The following AGBL1 variants were observed in gnomAD, a reference collection of about 807,000 sequenced individuals.
AGBL1 encodes AGBL carboxypeptidase 1, also known as cytosolic carboxypeptidase 4.
AGBL1 carries 130 observed loss-of-function variants against 118.9 expected under a neutral mutation model. The observed-to-expected ratio is 1.09, with a 90% confidence interval of 0.95 to 1.26. AGBL1 has a LOEUF of 1.26. AGBL1 is among the 50% of genes most tolerant of loss of function. The probability of loss-of-function intolerance (pLI) is 0.00; values close to 1 mark genes in which losing one functional copy is unlikely to be tolerated. For synonymous variants in AGBL1, 555 were observed against 478.9 expected (o/e 1.16, Z -2.08); for missense variants, 1,584 against 1,298.1 (o/e 1.22, Z -3.38).
At chr15:86,768,094 A>C (rs946662360) in intron 22 of AGBL1, among the ~76,000 whole-genome samples, 3 of 151,910 alleles carry the variant, frequency 2.0e-5, no homozygotes, top group African/African-American at 7.2e-5. Flanking sequence ...CCATATCCTC[A>C]ATCATTGCTC....
chr15:86,462,612 G>A (rs1434581820), intron 18 of AGBL1, among the ~76,000 whole-genome samples: 2 of 152,008 alleles, frequency 1.3e-5, no homozygotes, highest in Non-Finnish European at 2.9e-5. Context: ...AGGCCCTGGA[G>A]TGCGATGTTC....
intron 21 of AGBL1, among the ~76,000 whole-genome samples, chr15:86,626,836 CTTTTT>C (rs11318598): frequency 1.7e-5 from 2 of 117,824 alleles, no homozygotes. Flanking sequence ...ATATACTTTT[CTTTTT>C]TTTTTTTTTT....
intron 1 of AGBL1, among the ~76,000 whole-genome samples, chr15:86,097,638 T>C (rs78624668): frequency 0.011 from 1,675 of 152,132 alleles, 10 homozygotes; most frequent in East Asian, 0.024. Flanking sequence ...GTTCAATCCA[T>C]GTTGCTGCAA....
intron 24 of AGBL1, among the ~76,000 whole-genome samples, chr15:86,990,868 G>A (rs2081330801): frequency 6.6e-6 from 1 of 152,286 alleles, no homozygotes; most frequent in African/African-American, 2.4e-5. Context: ...GAGGTTTATA[G>A]GCTGTCTGGG....
At chr15:86,773,665 A>G (rs1038060461) in intron 22 of AGBL1, among the ~76,000 whole-genome samples, 1 of 151,934 alleles carries the variant, frequency 6.6e-6, no homozygotes, top group Non-Finnish European at 1.5e-5. Flanking sequence ...AAGAAAGTGG[A>G]TGTCAATACA....
intron 22 of AGBL1, among the ~76,000 whole-genome samples, chr15:86,782,658 T>TA (rs2078351378): frequency 6.6e-6 from 1 of 152,188 alleles, no homozygotes; most frequent in African/African-American, 2.4e-5. Context: ...TCAGTCAACT[T>TA]AAAGTTGGGG....
chr15:86,416,415 C>A (rs1217027755), intron 18 of AGBL1, among the ~76,000 whole-genome samples: 1 of 152,028 alleles, frequency 6.6e-6, no homozygotes, highest in Non-Finnish European at 1.5e-5. Flanking sequence ...TTTATGAGTC[C>A]TGATCAGGCT....
intron 22 of AGBL1, among the ~76,000 whole-genome samples, chr15:86,891,579 G>GGA (rs1217613712): frequency 4.3e-5 from 6 of 138,104 alleles, no homozygotes; most frequent in South Asian, 2.3e-4. Context: ...AAATAATGAG[G>GGA]AAAAAAAAAA....
chr15:86,598,082 G>A (rs1293657553), intron 21 of AGBL1, among the ~76,000 whole-genome samples: 1 of 151,970 alleles, frequency 6.6e-6, no homozygotes, highest in Non-Finnish European at 1.5e-5. Flanking sequence ...TTTGGTCCTT[G>A]GTTTTGTCAT....
chr15:86,826,093 C>T (rs2079010335), intron 22 of AGBL1, among the ~76,000 whole-genome samples: 1 of 151,256 alleles, frequency 6.6e-6, no homozygotes, highest in Non-Finnish European at 1.5e-5. Context: ...CTGATTTTAT[C>T]ATATTTCTCC....
intron 17 of AGBL1, among the ~76,000 whole-genome samples, chr15:86,382,689 T>A (rs1020047402): frequency 6.6e-6 from 1 of 151,952 alleles, no homozygotes; most frequent in African/African-American, 2.4e-5. Context: ...TTATTCTCTT[T>A]CTTTTTATTT....
At chr15:86,795,273 TG>T (rs2078553150) in intron 22 of AGBL1, among the ~76,000 whole-genome samples, 1 of 152,160 alleles carries the variant, frequency 6.6e-6, no homozygotes, top group Non-Finnish European at 1.5e-5. Flanking sequence ...AATCATTGCC[TG>T]GACGGAGGCT....
At chr15:86,272,976 G>GA (rs573711353) in intron 15 of AGBL1, among the ~76,000 whole-genome samples, 2 of 150,594 alleles carry the variant, frequency 1.3e-5, no homozygotes, top group Admixed American at 6.6e-5. Flanking sequence ...GTAACTGCAG[G>GA]AAAAAAAAAT....
intron 23 of AGBL1, chr15:86,938,686 C>G (rs2080709046): frequency 6.6e-6 from 1 of 152,166 alleles, no homozygotes; most frequent in Non-Finnish European, 1.5e-5. Context: ...TTTGGAGCAG[C>G]AGCCGTAGTT....
Position 86,402,758 on chromosome 15 carries a change from G to C in AGBL1, c.2555+5212G>C, listed in dbSNP as rs935544386. Among the ~76,000 whole-genome samples, 3 of 152,152 alleles carry C rather than the reference G, an allele frequency of 2.0e-5. No homozygotes were observed. In the East Asian group the frequency reaches 5.8e-4, roughly 29 times the overall value. On this transcript the variant is annotated intron_variant, in intron 18 of 22. Transcript: ENST00000614907. ...GAGAGTGCCTGATAGCTTTTGATAA[G>C]AGTGTCCAGTGAAATAAAGGCATGA...
chr15:86,903,079 AT>A (rs944480000), intron 22 of AGBL1, among the ~76,000 whole-genome samples: 3 of 150,570 alleles, frequency 2.0e-5, no homozygotes, highest in Non-Finnish European at 3.0e-5. Flanking sequence ...TGTTCTCTTT[AT>A]TTTTTTTTAA....
rs74025719 is a variant in AGBL1, at chr15:86,974,859, A to C, written c.3222-13128A>C. Among the ~76,000 whole-genome samples, 413 of 151,994 alleles carry C rather than the reference A, an allele frequency of 2.7e-3. 1 individual carries two copies. The highest frequency in any genetic ancestry group is 9.2e-3 in the African/African-American group (380 of 41,486). On this transcript the variant is annotated intron_variant, in intron 23 of 24. Transcript: ENST00000441037. ...AGAGGTAACAATGTAGTAAATTGACAGGAGAGAAACCACACTTCTGGGTGA... is the reference window on the plus strand; with the variant it reads ...AGAGGTAACAATGTAGTAAATTGACCGGAGAGAAACCACACTTCTGGGTGA...
At chr15:86,182,752 G>A (rs924677977) in intron 5 of AGBL1, among the ~76,000 whole-genome samples, 9 of 152,112 alleles carry the variant, frequency 5.9e-5, no homozygotes, top group African/African-American at 2.2e-4. Context: ...TTATGCTGGA[G>A]TTTGATATAG....
At chr15:86,680,725 C>A (rs1039081722) in intron 22 of AGBL1, among the ~76,000 whole-genome samples, 2 of 151,480 alleles carry the variant, frequency 1.3e-5, no homozygotes, top group Non-Finnish European at 2.9e-5. Flanking sequence ...CACCATCATG[C>A]GTGGCTAATT....
Sources: allele counts gnomAD v4.1 joint callset (sites outside exome capture counted in the v4.1 genomes callset), GRCh38; gene constraint gnomAD v4.1.1; transcripts MANE v1.5; gene names NCBI Gene and HGNC (gene_info 2026-07-23, HGNC 2026-07-21).